The following DMD variants were observed in gnomAD, a reference collection of about 807,000 sequenced individuals.
DMD encodes mutant dystrophin.
DMD carries 63 observed loss-of-function variants against 330.1 expected under a neutral mutation model. That is an observed-to-expected ratio of 0.19 (90% CI 0.16 to 0.24). The LOEUF (loss-of-function observed/expected upper bound fraction) is 0.24. Ranked by LOEUF, DMD falls within the 10% of genes least tolerant of loss-of-function variation. The probability of loss-of-function intolerance (pLI) is 1.00; values close to 1 mark genes in which losing one functional copy is unlikely to be tolerated. For synonymous variants in DMD, 1,223 were observed against 959.8 expected (o/e 1.27, Z -5.07); for missense variants, 3,344 against 2,684.1 (o/e 1.25, Z -5.43).
intron 7 of DMD, among the ~76,000 whole-genome samples, chrX:32,781,021 G>A (rs1370504932): frequency 9.2e-6 from 1 of 109,099 alleles, no homozygotes; most frequent in Non-Finnish European, 1.9e-5. Flanking sequence ...GGGAGGCTGA[G>A]GCAGGAGAAT....
intron 74 of DMD, among the ~76,000 whole-genome samples, chrX:31,151,124 T>C (rs1853492698): frequency 8.9e-6 from 1 of 111,973 alleles, no homozygotes; most frequent in South Asian, 3.8e-4. Context: ...GTCTTCTGGG[T>C]GTGCACCGAT....
At chrX:32,447,200 G>T (rs2098309227) in intron 27 of DMD, among the ~76,000 whole-genome samples, 2 of 110,362 alleles carry the variant, frequency 1.8e-5, no homozygotes, top group Non-Finnish European at 1.9e-5. Context: ...ACATGTTAGT[G>T]AATTAATTGT....
intron 44 of DMD, among the ~76,000 whole-genome samples, chrX:32,127,083 A>G (rs755742654): frequency 3.6e-5 from 4 of 111,495 alleles, no homozygotes; most frequent in Non-Finnish European, 5.7e-5. Flanking sequence ...TCAGCACTTA[A>G]CAACTCTGTC....
At chrX:32,176,235 C>G (rs769830279) in intron 44 of DMD, among the ~76,000 whole-genome samples, 2 of 111,997 alleles carry the variant, frequency 1.8e-5, no homozygotes, top group Non-Finnish European at 3.8e-5. Flanking sequence ...TTCCCACTTT[C>G]TAAATTGTTT....
chrX:32,655,122 T>A (rs1000831095), intron 9 of DMD, among the ~76,000 whole-genome samples: 3 of 111,965 alleles, frequency 2.7e-5, no homozygotes, highest in Non-Finnish European at 5.6e-5. Flanking sequence ...AAGGGCTTTT[T>A]GTGTCTCTAT....
chrX:31,963,949 G>T (rs942017144), intron 45 of DMD, among the ~76,000 whole-genome samples: 2 of 110,091 alleles, frequency 1.8e-5, no homozygotes, highest in Admixed American at 1.9e-4. Flanking sequence ...TAATTGCGAA[G>T]AAAAAATGTG....
At chrX:33,166,781 T>A (rs1024270210) in intron 1 of DMD, among the ~76,000 whole-genome samples, 18 of 109,544 alleles carry the variant, frequency 1.6e-4, no homozygotes, top group South Asian at 7.7e-4. Flanking sequence ...ATATATATAT[T>A]TTTTTTCCTC....
At chrX:33,205,014 C>A in intron 1 of DMD, among the ~76,000 whole-genome samples, 1 of 112,402 alleles carries the variant, frequency 8.9e-6, no homozygotes, top group Middle Eastern at 4.6e-3. Flanking sequence ...TCCTCTAGCT[C>A]TTCAGCAGCT....
chrX:31,183,011 G>C, intron 67 of DMD, 107 bp from the exon 68 acceptor site: 1 of 699,917 alleles, frequency 1.4e-6, no homozygotes, highest in Non-Finnish European at 2.1e-6. Flanking sequence ...AAACAGAAAA[G>C]ATAGAAAGAA....
At chrX:32,398,892 A>T in intron 30 of DMD, among the ~76,000 whole-genome samples, 1 of 111,442 alleles carries the variant, frequency 9.0e-6, no homozygotes, top group African/African-American at 3.3e-5. Context: ...TTAAGCGCAA[A>T]CACACAGCCC....
At chrX:32,666,345 T>G (rs1054510088) in intron 9 of DMD, among the ~76,000 whole-genome samples, 1 of 110,540 alleles carries the variant, frequency 9.0e-6, no homozygotes, top group Admixed American at 9.7e-5. Context: ...ATCCTAATGC[T>G]CTCCCTACCC....
At chrX:31,434,985 T>C (rs1158755964) in intron 60 of DMD, among the ~76,000 whole-genome samples, 2 of 112,057 alleles carry the variant, frequency 1.8e-5, no homozygotes, top group African/African-American at 3.2e-5. Context: ...AATTCAACTT[T>C]TTATCAGAGG....
At chrX:33,202,164 T>A (rs1035474648) in intron 1 of DMD, among the ~76,000 whole-genome samples, 3 of 111,917 alleles carry the variant, frequency 2.7e-5, no homozygotes, top group African/African-American at 9.7e-5. Flanking sequence ...GCATCCTCAA[T>A]GGGACATGTC....
At chrX:32,873,374 C>A (rs748383078) in intron 2 of DMD, among the ~76,000 whole-genome samples, 2 of 109,965 alleles carry the variant, frequency 1.8e-5, no homozygotes, top group African/African-American at 6.6e-5. Flanking sequence ...GACATTGAAG[C>A]TACACTCAGG....
chrX:32,961,992 G>T (rs916765894), intron 2 of DMD, among the ~76,000 whole-genome samples: 1 of 111,741 alleles, frequency 8.9e-6, no homozygotes, highest in African/African-American at 3.3e-5. Flanking sequence ...ACTTTTGATT[G>T]TGGGAAAATG....
intron 44 of DMD, among the ~76,000 whole-genome samples, chrX:32,082,395 T>G (rs868226492): frequency 2.2e-5 from 2 of 89,304 alleles, no homozygotes; most frequent in Admixed American, 1.2e-4. Flanking sequence ...CGCCCGGCTA[T>G]CTATCTATCT....
At chrX:32,610,411 G>A (rs187695041) in intron 12 of DMD, among the ~76,000 whole-genome samples, 78 of 111,326 alleles carry the variant, frequency 7.0e-4, no homozygotes, top group African/African-American at 2.4e-3. Flanking sequence ...GCCAGGTTCA[G>A]TAAAAGTGAC....
At chrX:32,352,390 T>A (rs750443608) in intron 37 of DMD, among the ~76,000 whole-genome samples, 1 of 111,123 alleles carries the variant, frequency 9.0e-6, no homozygotes, top group African/African-American at 3.2e-5. Flanking sequence ...AAAAAACAGA[T>A]AAAATTAATT....
rs752253196 is a variant in DMD at position 32,286,150 on chromosome X, C to T, written c.6290+1379G>A. 1.9e-4 allele frequency among the ~76,000 whole-genome samples: 21 copies of T among 111,186 alleles called. 2 individuals are homozygous for T. Among genetic ancestry groups the T allele is most frequent in the Admixed American group, 1.8e-3 (19 of 10,427 alleles). The stretch of plus-strand genomic sequence containing the variant: ...AGCATATAACACAAATAAAACATAG[C>T]CCTTTTCTATAAGGAGCTTGTGTGG... On this transcript the variant is annotated intron_variant, in intron 43 of 78. Transcript: ENST00000357033.
Sources: allele counts gnomAD v4.1 joint callset (sites outside exome capture counted in the v4.1 genomes callset), GRCh38; gene constraint gnomAD v4.1.1; transcripts MANE v1.5; gene names NCBI Gene and HGNC (gene_info 2026-07-23, HGNC 2026-07-21).